Variants in IGSF10 observed in about 807,000 individuals in gnomAD.
The protein encoded by IGSF10 is immunoglobulin superfamily member 10, also known as calvaria mechanical force protein 608.
In IGSF10, 126 loss-of-function variants were observed where a neutral mutation model predicts 128.2. That is an observed-to-expected ratio of 0.98 (90% CI 0.85 to 1.14). The LOEUF (loss-of-function observed/expected upper bound fraction) is 1.14. Among genes scored for constraint, IGSF10 ranks in the 50% most tolerant of loss-of-function variants. IGSF10 has a pLI of 0.00. For missense variants in IGSF10, 3,295 were observed against 3,149.8 expected (o/e 1.05, Z -1.10); for synonymous variants, 1,185 against 1,146.2 (o/e 1.03, Z -0.68).
rs1415323095 is a variant in IGSF10 at position 151,443,787 on chromosome 3, C to G, written c.5160G>C (p.Gln1720His). The stretch of plus-strand genomic sequence containing the variant: ...ACAGATTGGATGCGGAACACAAGTA[C>G]TGTCCGCGGTCCTGAATTTCCACCC... ...IQRVEIQDRGQYLCSASNLFG... is the reference protein window; with the variant it reads ...IQRVEIQDRGHYLCSASNLFG... The change falls in exon 7 of 8, where the codon CAG becomes CAC. Residue 1720 changes from glutamine to histidine, a missense_variant. Physicochemically the swap from Gln to His is conservative, Grantham distance 24. Coordinates refer to ENST00000282466, the MANE Select transcript of IGSF10 (RefSeq NM_178822.5). 1 of 1,614,128 alleles carries G rather than the reference C, an allele frequency of 6.2e-7. No individual in the cohort carries two copies. Among genetic ancestry groups the G allele is most frequent in the South Asian group, 1.1e-5 (1 of 91,076 alleles).
chr3:151,461,865 A>G (rs1236173293), upstream of IGSF10, among the ~76,000 whole-genome samples: 3 of 152,236 alleles, frequency 2.0e-5, no homozygotes, highest in Admixed American at 6.5e-5. Context: ...TTCACTTGGC[A>G]TAATGTCCTC....
upstream of IGSF10, among the ~76,000 whole-genome samples, chr3:151,464,560 C>T (rs77250544): frequency 6.6e-6 from 1 of 152,308 alleles, no homozygotes; most frequent in East Asian, 1.9e-4. Flanking sequence ...CATAGATCAC[C>T]TGACAATCAG....
At chr3:151,470,863 G>A in the IGSF10 span, among the ~76,000 whole-genome samples, 4 of 152,074 alleles carry the variant, frequency 2.6e-5, no homozygotes, top group African/African-American at 7.2e-5. Context: ...AACCAAACCC[G>A]CATTTTTCAG....
chr3:151,438,837 CACAT>C (rs1720649227), intron 7 of IGSF10, among the ~76,000 whole-genome samples: 1 of 130,698 alleles, frequency 7.7e-6, no homozygotes, highest in Admixed American at 8.1e-5. Context: ...TATATATATA[CACAT>C]ACATTTTGAG....
the IGSF10 span, among the ~76,000 whole-genome samples, chr3:151,509,232 T>C: frequency 6.6e-6 from 1 of 152,176 alleles, no homozygotes; most frequent in African/African-American, 2.4e-5. Flanking sequence ...CAAAATTTAA[T>C]TGAATTCCAA....
the IGSF10 span, among the ~76,000 whole-genome samples, chr3:151,614,432 C>T: frequency 2.6e-5 from 4 of 152,162 alleles, no homozygotes; most frequent in Non-Finnish European, 5.9e-5. Flanking sequence ...AAATGTCCAA[C>T]AACGATAGAC....
chr3:151,570,783 G>C, the IGSF10 span, among the ~76,000 whole-genome samples: 1 of 152,104 alleles, frequency 6.6e-6, no homozygotes, highest in Admixed American at 6.6e-5. Flanking sequence ...CATTGCTTTT[G>C]GTGTTTTAGT....
At chr3:151,569,795 A>T in the IGSF10 span, among the ~76,000 whole-genome samples, 1 of 152,152 alleles carries the variant, frequency 6.6e-6, no homozygotes, top group African/African-American at 2.4e-5. Flanking sequence ...CAGGTTTGTT[A>T]CGTATGTATA....
chr3:151,588,586 T>G, the IGSF10 span, among the ~76,000 whole-genome samples: 2 of 152,232 alleles, frequency 1.3e-5, no homozygotes, highest in African/African-American at 4.8e-5. Context: ...TACAGCCCAG[T>G]TTCTGATACG....
chr3:151,514,850 A>G, the IGSF10 span, among the ~76,000 whole-genome samples: 1 of 152,224 alleles, frequency 6.6e-6, no homozygotes, highest in Non-Finnish European at 1.5e-5. Context: ...TTATGCAGCC[A>G]AAAAACACGT....
chr3:151,609,286 T>A, the IGSF10 span, among the ~76,000 whole-genome samples: 2 of 152,146 alleles, frequency 1.3e-5, no homozygotes, highest in Admixed American at 6.5e-5. Context: ...AGAATGGAGA[T>A]GCAAAGAGGC....
chr3:151,438,029 G>T lies in IGSF10; in HGVS notation c.6532C>A (p.Pro2178Thr), dbSNP rs1051871271. ...DPKPKIFWLL[P>T]SNDMISFSID... ...GAGAAGGAAATCATGTCATTGGAAG[G>T]CAGCAACCAAAATATTTTTGGTTTG... Residue 2178 changes from proline to threonine, a missense_variant, in exon 8 of 8, where the codon CCT (proline) becomes ACT (threonine). By Grantham distance (38) the Pro-to-Thr change is conservative (BLOSUM62 -1). Coordinates refer to ENST00000282466, the MANE Select transcript of IGSF10 (RefSeq NM_178822.5). The T allele has an allele frequency of 1.9e-6, 3 of 1,614,186 alleles. No individual in the cohort carries two copies. In the South Asian group the frequency reaches 3.3e-5, roughly 18 times the overall value.
At chr3:151,525,113 G>T in the IGSF10 span, among the ~76,000 whole-genome samples, 1 of 136,686 alleles carries the variant, frequency 7.3e-6, no homozygotes, top group Non-Finnish European at 1.5e-5. Flanking sequence ...GTAGCCTTGA[G>T]CTCTAGGGCT....
the IGSF10 span, among the ~76,000 whole-genome samples, chr3:151,527,802 A>C: frequency 7.2e-6 from 1 of 139,386 alleles, no homozygotes; most frequent in Admixed American, 7.2e-5. Context: ...TTTTTTTTTT[A>C]ATTAGCTGGG....
the IGSF10 span, among the ~76,000 whole-genome samples, chr3:151,590,914 T>C: frequency 7.9e-5 from 12 of 152,272 alleles, no homozygotes; most frequent in African/African-American, 2.9e-4. Flanking sequence ...TTATGATCAA[T>C]GGCAAGTCAC....
chr3:151,450,317 A>G (rs1397129683), intron 5 of IGSF10, among the ~76,000 whole-genome samples: 9 of 152,212 alleles, frequency 5.9e-5, no homozygotes, highest in East Asian at 1.9e-4. Context: ...TAGCTCTTAT[A>G]TGATGCACTG....
Position 151,460,994 on chromosome 3 carries a change from G to A in IGSF10, c.-137C>T, listed in dbSNP as rs62284462. On this transcript the variant is annotated 5_prime_UTR_variant, in exon 1 of 8. Coordinates refer to ENST00000282466, the MANE Select transcript of IGSF10 (RefSeq NM_178822.5). ...GCTCGAGCTGCCCGGGCTAGGTCCC[G>A]GGCTCGGTCCCGGGCTCAGCTGCTG... is the stretch of plus-strand genomic sequence containing the variant. The A allele has an allele frequency of 0.013, 12,618 of 981,520 alleles. 480 individuals are homozygous for A. The highest frequency in any genetic ancestry group is 0.12 in the East Asian group (1,071 of 8,788). 60.8% of individuals were successfully genotyped at this position (981,520 alleles called of 1,614,324 possible).
chr3:151,447,768 C>G lies in IGSF10; in HGVS notation c.2213G>C (p.Arg738Thr). The G allele has an allele frequency of 1.9e-6, 3 of 1,614,142 alleles. No homozygotes were observed. The highest frequency in any genetic ancestry group is 1.7e-6 in the Non-Finnish European group (2 of 1,180,032). The change falls in exon 6 of 8, where the codon AGG (arginine) becomes ACG (threonine). Residue 738 changes from arginine to threonine, a missense_variant. Physicochemically the swap from Arg to Thr is moderately conservative, Grantham distance 71 (BLOSUM62 -1). Transcript: ENST00000282466. Reference protein sequence around the residue: ...RRGDSTHRRFRENRRHFPPSA... With the variant: ...RRGDSTHRRFTENRRHFPPSA... ...GGGAGGGAAATGCCTCCTATTCTCCCTAAAACGTCGATGTGTTGAATCTCC... is the reference window on the plus strand; with the variant it reads ...GGGAGGGAAATGCCTCCTATTCTCCGTAAAACGTCGATGTGTTGAATCTCC...
the IGSF10 span, among the ~76,000 whole-genome samples, chr3:151,467,071 A>G: frequency 6.6e-6 from 1 of 152,178 alleles, no homozygotes; most frequent in African/African-American, 2.4e-5. Flanking sequence ...AATGAATCAA[A>G]AATTAACTCC....
Sources: gnomAD v4.1 joint callset for allele counts (sites outside exome capture counted in the v4.1 genomes callset) on GRCh38, gnomAD v4.1.1 for gene constraint, MANE v1.5 for transcripts, NCBI Gene and HGNC (gene_info 2026-07-23, HGNC 2026-07-21) for gene names.